ACO2: variants seen among roughly 807,000 people sequenced by gnomAD.
ACO2 encodes the protein aconitate hydratase, mitochondrial.
In ACO2, 31 loss-of-function variants were observed where a neutral mutation model predicts 84.5. The observed-to-expected ratio is 0.37, with a 90% CI of 0.28 to 0.50. The LOEUF (loss-of-function observed/expected upper bound fraction) is 0.50. Ranked by LOEUF, ACO2 falls within the 20% of genes least tolerant of loss-of-function variation. The probability of loss-of-function intolerance (pLI) is 0.97; values close to 1 mark genes in which losing one functional copy is unlikely to be tolerated. For missense variants in ACO2, 685 were observed against 1,029.3 expected (o/e 0.67, Z 4.58); for synonymous variants, 414 against 412.7 (o/e 1.00, Z -0.04).
intron 12 of ACO2, 142 bp from the exon 13 acceptor site, chr22:41,524,695 TGCAGCTCTG>T (rs373535151): frequency 3.2e-5 from 41 of 1,266,382 alleles, no homozygotes; most frequent in East Asian, 1.9e-4. Flanking sequence ...AAGATCGTCC[TGCAGCTCTG>T]GCCTCTGAGG....
rs1401497012 is a variant in ACO2 at position 41,507,741 on chromosome 22, G to A, written c.174-50G>A. On this transcript the variant is annotated intron_variant, in intron 2 of 17. Coordinates refer to ENST00000216254, the MANE Select transcript of ACO2 (RefSeq NM_001098.3). Reference sequence around the variant, plus strand: ...ACTGAGAGGGAGAGGCAGGGCGGGAGGAGGCCGTGCAGCTAGCACCAGGCC... The same window carrying A: ...ACTGAGAGGGAGAGGCAGGGCGGGAAGAGGCCGTGCAGCTAGCACCAGGCC... The A allele has an allele frequency of 1.1e-5, 18 of 1,577,502 alleles. No individual in the cohort carries two copies. In the South Asian group the frequency reaches 2.1e-4, roughly 19 times the overall value.
intron 1 of ACO2, among the ~76,000 whole-genome samples, chr22:41,472,623 G>C (rs1395155910): frequency 6.6e-6 from 1 of 151,980 alleles, no homozygotes; most frequent in Non-Finnish European, 1.5e-5. Flanking sequence ...ATTTTGTTTT[G>C]TTTTTTTAAA....
chr22:41,490,010 T>C (rs1329787907), intron 1 of ACO2, among the ~76,000 whole-genome samples: 3 of 152,126 alleles, frequency 2.0e-5, no homozygotes, highest in Admixed American at 1.3e-4. Flanking sequence ...ACAAAAGAAA[T>C]GTATATATCA....
chr22:41,526,929 C>T (rs979349827), intron 15 of ACO2: 6 of 369,194 alleles, frequency 1.6e-5, no homozygotes, highest in Admixed American at 8.8e-5. Context: ...AGGGTGCTCC[C>T]AGGAAGGGGG....
intron 2 of ACO2, among the ~76,000 whole-genome samples, chr22:41,500,592 C>T (rs2066347493): frequency 1.3e-5 from 2 of 151,820 alleles, no homozygotes; most frequent in African/African-American, 4.8e-5. Context: ...GCCATGTTGC[C>T]CAGGCTGGTC....
chr22:41,480,481 T>G (rs1401845723), intron 1 of ACO2, among the ~76,000 whole-genome samples: 1 of 152,120 alleles, frequency 6.6e-6, no homozygotes, highest in Non-Finnish European at 1.5e-5. Context: ...CTCTGGTCTT[T>G]GGTGGCTGGG....
At chr22:41,504,592 T>C (rs2066378510) in intron 2 of ACO2, among the ~76,000 whole-genome samples, 1 of 152,188 alleles carries the variant, frequency 6.6e-6, no homozygotes, top group Admixed American at 6.5e-5. Flanking sequence ...TACACCAGCC[T>C]TGGCGGTGCT....
chr22:41,525,598 A>T (rs1049051680), intron 14 of ACO2, among the ~76,000 whole-genome samples: 9 of 152,204 alleles, frequency 5.9e-5, no homozygotes, highest in Admixed American at 2.6e-4. Flanking sequence ...ATCCAGCAGC[A>T]GCTGATCAGA....
intron 15 of ACO2, 180 bp downstream of exon 15, chr22:41,526,633 C>A (rs2066602901): frequency 5.0e-6 from 3 of 594,812 alleles, no homozygotes; most frequent in South Asian, 5.6e-5. Flanking sequence ...AGGCATGAGG[C>A]CCAGGTCCGG....
intron 10 of ACO2, 84 bp from the exon 11 acceptor site, chr22:41,523,121 A>G: frequency 7.2e-6 from 11 of 1,535,378 alleles, no homozygotes; most frequent in Non-Finnish European, 8.0e-6. Flanking sequence ...CCAGTACAGC[A>G]CTTCGTCCTG....
chr22:41,507,153 T>A (rs1601908678), intron 2 of ACO2, among the ~76,000 whole-genome samples: 1 of 152,048 alleles, frequency 6.6e-6, no homozygotes, highest in South Asian at 2.1e-4. Context: ...AGTGACCCGG[T>A]CTCTGTTCTT....
At chr22:41,526,184 T>TGCCTGCC in intron 14 of ACO2, 78 bp from the exon 15 acceptor site, 7 of 895,646 alleles carry the variant, frequency 7.8e-6, no homozygotes, top group Non-Finnish European at 6.1e-6. Context: ...CGGGGCCTGC[T>TGCCTGCC]GCCTGCCTCT....
At chr22:41,498,722 C>T (rs1370262572) in intron 1 of ACO2, among the ~76,000 whole-genome samples, 3 of 152,206 alleles carry the variant, frequency 2.0e-5, no homozygotes, top group Non-Finnish European at 4.4e-5. Context: ...AGCTGTTCTT[C>T]TTATGACCTA....
chr22:41,483,408 G>C (rs1370165970), intron 1 of ACO2, among the ~76,000 whole-genome samples: 2 of 152,192 alleles, frequency 1.3e-5, no homozygotes, highest in Non-Finnish European at 2.9e-5. Context: ...TGTAATCCCA[G>C]CACTTTGGGA....
At position 41,517,523 on chromosome 22, in the gene ACO2, A is replaced by G. The variant is rs1232332113; in HGVS notation, c.836-4A>G. On this transcript the variant is annotated splice_region_variant and splice_polypyrimidine_tract_variant and intron_variant, in intron 6 of 17. Coordinates refer to ENST00000216254, the MANE Select transcript of ACO2 (RefSeq NM_001098.3). ...CCAATGCCCGGGGCTCTGTTGCTCC[A>G]CAGGCATGGCGACAATCTGCAACAT... is the stretch of plus-strand genomic sequence containing the variant. 5.6e-6 allele frequency: 9 copies of G among 1,613,224 alleles called. No individual in the cohort carries two copies. Among genetic ancestry groups the G allele is most frequent in the Admixed American group, 1.7e-5 (1 of 59,992 alleles).
chr22:41,497,482 C>T (rs1269071161), intron 1 of ACO2, among the ~76,000 whole-genome samples: 1 of 152,116 alleles, frequency 6.6e-6, no homozygotes, highest in Non-Finnish European at 1.5e-5. Context: ...GCGGCTCATG[C>T]CTGTAATCTC....
At chr22:41,487,779 C>G (rs952828831) in intron 1 of ACO2, among the ~76,000 whole-genome samples, 3 of 152,166 alleles carry the variant, frequency 2.0e-5, no homozygotes, top group African/African-American at 7.2e-5. Context: ...ACTTGGGTAT[C>G]AGATAGTCCA....
chr22:41,475,169 C>CTTT lies in ACO2; in HGVS notation c.36+6006_36+6008dup, dbSNP rs1161178390. ...ATAAAAAAAAAAAAATTGTTTTTTC[C>CTTT]TTTTTTTTTTTTTTTTTTTTTGAGA... On this transcript the variant is annotated intron_variant, in intron 1 of 17. Coordinates refer to ENST00000216254, the MANE Select transcript of ACO2 (RefSeq NM_001098.3). 2.8e-4 allele frequency among the ~76,000 whole-genome samples: 34 copies of CTTT among 120,232 alleles called. 1 individual carries two copies. The highest frequency in any genetic ancestry group is 6.7e-4 in the African/African-American group (21 of 31,116). The allele number at this position is 120,232 out of a possible 152,430, so 78.9% of individuals were successfully genotyped here. A position where few individuals can be genotyped will look rare whatever the true frequency, so the allele number is the denominator to read the frequency against.
intron 4 of ACO2, among the ~76,000 whole-genome samples, chr22:41,513,421 A>G (rs1203821990): frequency 6.6e-6 from 1 of 152,210 alleles, no homozygotes; most frequent in African/African-American, 2.4e-5. Flanking sequence ...TCACGTCTTC[A>G]GCAGCCTCAG....
Sources: allele counts gnomAD v4.1 joint callset (sites outside exome capture counted in the v4.1 genomes callset), GRCh38; gene constraint gnomAD v4.1.1; transcripts MANE v1.5; gene names NCBI Gene and HGNC (gene_info 2026-07-23, HGNC 2026-07-21).